The following ABI3BP variants were observed in gnomAD, a reference collection of about 807,000 sequenced individuals.
ABI3BP encodes the protein ABI family member 3 binding protein, also known as target of Nesh-SH3.
Under a neutral mutation model 268.6 loss-of-function variants are expected in ABI3BP, and 216 were observed. That is an observed-to-expected ratio of 0.80 (90% confidence interval 0.72 to 0.90). The LOEUF is 0.90. Ranked by LOEUF, ABI3BP falls within the 40% of genes least tolerant of loss-of-function variation. The probability of loss-of-function intolerance (pLI) is 0.00; values close to 1 mark genes in which losing one functional copy is unlikely to be tolerated. For missense variants in ABI3BP, 2,090 were observed against 2,182.4 expected (o/e 0.96, Z 0.84); for synonymous variants, 730 against 730.0 (o/e 1.00, Z 0.00).
In ABI3BP at chr3:100,900,300, C is replaced by T. The variant is rs567186617; in HGVS notation, c.329-1406G>A. Among the ~76,000 whole-genome samples the T allele has an allele frequency of 3.9e-5, 6 of 152,268 alleles. No individual in the cohort carries two copies. The South Asian group carries it at 1.2e-3, about 32-fold the overall frequency. Reference sequence around the variant, plus strand: ...AGGGAACACTTATAGTTTGAACAAGCCCTGGGATGATTGTGATCTTCCCTT... The same window carrying T: ...AGGGAACACTTATAGTTTGAACAAGTCCTGGGATGATTGTGATCTTCCCTT... On this transcript the variant is annotated intron_variant, in intron 3 of 67. Transcript: ENST00000471714.
chr3:100,817,207 T>G (rs1348228646), intron 42 of ABI3BP, among the ~76,000 whole-genome samples: 2 of 152,316 alleles, frequency 1.3e-5, no homozygotes, highest in East Asian at 3.9e-4. Flanking sequence ...TCAAATAAGA[T>G]TACATGGTAG....
chr3:100,870,855 AGCCTTAAAAAAGGAG>A (rs1196574199), intron 9 of ABI3BP, among the ~76,000 whole-genome samples: 1 of 152,226 alleles, frequency 6.6e-6, no homozygotes, highest in African/African-American at 2.4e-5. Context: ...AGTATTATTC[AGCCTTAAAAAAGGAG>A]GTCCTGCCAT....
chr3:100,830,159 A>G (rs1293387401), intron 32 of ABI3BP, among the ~76,000 whole-genome samples: 2 of 103,474 alleles, frequency 1.9e-5, no homozygotes, highest in East Asian at 5.0e-4. Context: ...ATATATATAT[A>G]TATATAAAAT....
intron 1 of ABI3BP, chr3:100,931,027 T>C (rs1197454586): frequency 6.6e-6 from 1 of 151,986 alleles, no homozygotes; most frequent in Non-Finnish European, 1.5e-5. Context: ...AGTTGTAAGG[T>C]TGGCTTAACA....
At chr3:100,867,113 TAA>T (rs993721892) in intron 9 of ABI3BP, among the ~76,000 whole-genome samples, 157 bp from the exon 10 acceptor site, 13 of 152,222 alleles carry the variant, frequency 8.5e-5, no homozygotes, top group African/African-American at 2.7e-4. Context: ...GGAACTAATA[TAA>T]GTCTTCAAAA....
At chr3:100,885,295 A>C (rs2041455984) in intron 6 of ABI3BP, among the ~76,000 whole-genome samples, 1 of 152,106 alleles carries the variant, frequency 6.6e-6, no homozygotes, top group Non-Finnish European at 1.5e-5. Context: ...GAATACTAAA[A>C]TATTAGAATA....
rs1020156765 is a variant in ABI3BP, at chr3:100,749,318, C to CAAACA, written c.*1172_*1176dup. ...ATACTGATGAACCATTCAGAAATAA[C>CAAACA]AAACAAAAACTCAATCTTAAAAAAA... On this transcript the variant is annotated 3_prime_UTR_variant, in exon 68 of 68. Coordinates refer to ENST00000471714, the MANE Select transcript of ABI3BP (RefSeq NM_001375547.2). 1.2e-4 allele frequency: 8 copies of CAAACA among 65,016 alleles called. No individual in the cohort carries two copies. In the Admixed American group the frequency reaches 1.6e-3, roughly 13 times the overall value. 4.0% of individuals were successfully genotyped at this position (65,016 alleles called of 1,614,324 possible).
intron 10 of ABI3BP, 72 bp downstream of exon 10, chr3:100,866,807 A>C: frequency 7.9e-7 from 1 of 1,266,642 alleles, no homozygotes; most frequent in Non-Finnish European, 1.1e-6. Flanking sequence ...ACTGAAAAAA[A>C]GACTGCAGAT....
intron 1 of ABI3BP, among the ~76,000 whole-genome samples, chr3:100,991,932 T>C (rs1388744759): frequency 1.3e-5 from 2 of 152,122 alleles, no homozygotes; most frequent in East Asian, 1.9e-4. Context: ...AAAAGTAAAA[T>C]AAAAGTCTTC....
intron 61 of ABI3BP, among the ~76,000 whole-genome samples, chr3:100,771,254 G>C (rs1416919235): frequency 6.6e-6 from 1 of 152,124 alleles, no homozygotes; most frequent in Non-Finnish European, 1.5e-5. Flanking sequence ...TACCCTCAGT[G>C]GTAGGGAATA....
intron 2 of ABI3BP, chr3:100,911,723 T>C (rs2056567162): frequency 2.4e-6 from 2 of 826,460 alleles, no homozygotes; most frequent in South Asian, 1.3e-5. Flanking sequence ...AAAGTCCTCT[T>C]TGAGGTTTCA....
At chr3:100,833,057 T>C (rs1160434082) in intron 30 of ABI3BP, 68 bp downstream of exon 30, 3 of 1,357,940 alleles carry the variant, frequency 2.2e-6, no homozygotes, top group Admixed American at 4.1e-5. Flanking sequence ...ATAGCCTATA[T>C]AGCACCATAG....
chr3:100,780,380 C>T (rs2096833051), intron 57 of ABI3BP, among the ~76,000 whole-genome samples, 171 bp from the exon 58 acceptor site: 1 of 152,022 alleles, frequency 6.6e-6, no homozygotes, highest in Non-Finnish European at 1.5e-5. Flanking sequence ...AAATAAAAAC[C>T]CTACATTCAC....
At chr3:100,923,988 T>C (rs888597884) in intron 2 of ABI3BP, among the ~76,000 whole-genome samples, 3 of 152,242 alleles carry the variant, frequency 2.0e-5, no homozygotes, top group Non-Finnish European at 2.9e-5. Context: ...AGGAAATACA[T>C]AGTACCACCT....
rs548905799 is a variant in ABI3BP, at chr3:100,973,176, C to T, written c.79+20130G>A. ...GCAAAAATGTGAGTTAGATAAGCTT[C>T]ATTCAGTAATGAGCTCTACTGCTGT... On this transcript the variant is annotated intron_variant, in intron 1 of 67. Coordinates refer to ENST00000471714, the MANE Select transcript of ABI3BP (RefSeq NM_001375547.2). Among the ~76,000 whole-genome samples the T allele has an allele frequency of 5.3e-5, 8 of 152,260 alleles. No homozygotes were observed. The South Asian group carries it at 1.7e-3, about 32-fold the overall frequency.
chr3:100,926,585 A>T (rs549469832), intron 1 of ABI3BP, 104 bp from the exon 2 acceptor site: 1 of 1,080,528 alleles, frequency 9.3e-7, no homozygotes, highest in Non-Finnish European at 1.4e-6. Context: ...TTCTTGAAAA[A>T]CATGTTGTCT....
chr3:100,815,994 A>T lies in ABI3BP; in HGVS notation c.3230-23T>A, dbSNP rs1241518186. The T allele has an allele frequency of 1.3e-6, 2 of 1,483,744 alleles. 1 individual carries two copies. The highest frequency in any genetic ancestry group is 5.0e-5 in the East Asian group (2 of 40,312). The allele number at this position is 1,483,744 out of a possible 1,614,324, so 91.9% of individuals were successfully genotyped here. On this transcript the variant is annotated intron_variant, in intron 43 of 67. Coordinates refer to ENST00000471714, the MANE Select transcript of ABI3BP (RefSeq NM_001375547.2). ...AAACTAACCAAAAGCAACAACATGA[A>T]TACAAGAAAGCTTAAAGACTTTTTA...
intron 19 of ABI3BP, chr3:100,846,651 A>T (rs566092054): frequency 5.9e-5 from 24 of 408,612 alleles, no homozygotes; most frequent in African/African-American, 4.2e-4. Flanking sequence ...TTTAGAAAAA[A>T]CATTTCAAGA....
chr3:100,809,430 C>G (rs1418782485), intron 49 of ABI3BP, among the ~76,000 whole-genome samples: 1 of 151,990 alleles, frequency 6.6e-6, no homozygotes, highest in Non-Finnish European at 1.5e-5. Context: ...AAAGCAATTC[C>G]ATGAAAAATG....
Sources: allele counts gnomAD v4.1 joint callset (sites outside exome capture counted in the v4.1 genomes callset), GRCh38; gene constraint gnomAD v4.1.1; transcripts MANE v1.5; gene names NCBI Gene and HGNC (gene_info 2026-07-23, HGNC 2026-07-21).